The following WDR64 variants were observed in gnomAD, a reference collection of about 807,000 sequenced individuals.
The protein encoded by WDR64 is WD repeat domain 64.
Under a neutral mutation model 139.3 loss-of-function variants are expected in WDR64, and 112 were observed. That is an observed-to-expected ratio of 0.80 (90% CI 0.69 to 0.94). The LOEUF (loss-of-function observed/expected upper bound fraction) is 0.94. Among genes scored for constraint, WDR64 ranks in the 40% least tolerant of loss-of-function variants. The pLI is 0.00. For missense variants in WDR64, 1,206 were observed against 1,293.1 expected, an observed-to-expected ratio of 0.93 and a Z score of 1.03; for synonymous variants, 444 against 437.7, an observed-to-expected ratio of 1.01 and a Z score of -0.18.
At chr1:241,653,733 C>T (rs1396134590) in intron 1 of WDR64, among the ~76,000 whole-genome samples, 4 of 151,766 alleles carry the variant, frequency 2.6e-5, no homozygotes, top group East Asian at 1.9e-4. Context: ...TTAGTAGAGA[C>T]GGGGTTTCAC....
At chr1:241,723,172 A>T in intron 9 of WDR64, 125 bp from the exon 10 acceptor site, 2 of 1,261,006 alleles carry the variant, frequency 1.6e-6, no homozygotes, top group Non-Finnish European at 2.2e-6. Context: ...AGAATAATGC[A>T]TCCTGCCAGA....
chr1:241,771,342 A>G (rs908006677), intron 18 of WDR64, among the ~76,000 whole-genome samples: 1 of 152,176 alleles, frequency 6.6e-6, no homozygotes, highest in Non-Finnish European at 1.5e-5. Flanking sequence ...TAAAAAGGGA[A>G]TAATAAAGAT....
intron 1 of WDR64, among the ~76,000 whole-genome samples, chr1:241,653,781 G>A (rs1262890865): frequency 2.6e-5 from 4 of 152,004 alleles, no homozygotes; most frequent in African/African-American, 9.7e-5. Context: ...TTGACCTCAG[G>A]TGATCCACCT....
intron 8 of WDR64, among the ~76,000 whole-genome samples, chr1:241,690,525 G>T (rs1048510608): frequency 1.3e-5 from 2 of 151,908 alleles, no homozygotes; most frequent in African/African-American, 4.8e-5. Flanking sequence ...CTTATCTGTA[G>T]AAAAGCAAAG....
At chr1:241,710,518 T>C (rs962743619) in intron 8 of WDR64, among the ~76,000 whole-genome samples, 55 of 33,402 alleles carry the variant, frequency 1.6e-3, no homozygotes, top group Non-Finnish European at 4.5e-4. Context: ...AGAGTTTCAC[T>C]GGTGGAGATG....
intron 19 of WDR64, among the ~76,000 whole-genome samples, chr1:241,771,965 T>C (rs187596913): frequency 2.0e-4 from 19 of 97,098 alleles, no homozygotes; most frequent in South Asian, 7.6e-4. Flanking sequence ...TATATATATA[T>C]ATATATATAT....
At chr1:241,773,421 T>C (rs564823217) in intron 20 of WDR64, among the ~76,000 whole-genome samples, 3 of 152,192 alleles carry the variant, frequency 2.0e-5, no homozygotes, top group Non-Finnish European at 4.4e-5. Flanking sequence ...AAAAATCTAT[T>C]GAGCCTGCTT....
chr1:241,777,154 G>C (rs1330601333), intron 21 of WDR64, among the ~76,000 whole-genome samples: 1 of 152,144 alleles, frequency 6.6e-6, no homozygotes, highest in Non-Finnish European at 1.5e-5. Context: ...GAGTGCAGTG[G>C]TGTGCTCATA....
intron 9 of WDR64, among the ~76,000 whole-genome samples, chr1:241,713,535 AAGGGAGGG>A (rs531178935): frequency 1.4e-5 from 2 of 141,034 alleles, no homozygotes; most frequent in Non-Finnish European, 3.1e-5. Context: ...AAAAGCAAGG[AAGGGAGGG>A]AGGGAGGGAG....
chr1:241,697,859 C>T (rs374067905), intron 8 of WDR64, among the ~76,000 whole-genome samples: 28 of 152,304 alleles, frequency 1.8e-4, no homozygotes, highest in Non-Finnish European at 3.4e-4. Context: ...CACCCTGAAA[C>T]TATTCGCCTG....
intron 3 of WDR64, among the ~76,000 whole-genome samples, chr1:241,672,510 C>T (rs1666273713): frequency 6.6e-6 from 1 of 152,146 alleles, no homozygotes; most frequent in East Asian, 1.9e-4. Flanking sequence ...ACTATGTAGG[C>T]CAGACACCTT....
chr1:241,781,644 C>T (rs1422049964), intron 22 of WDR64, among the ~76,000 whole-genome samples: 2 of 152,206 alleles, frequency 1.3e-5, no homozygotes, highest in East Asian at 3.8e-4. Context: ...CATATAATTA[C>T]ATATACACAC....
intron 15 of WDR64, among the ~76,000 whole-genome samples, chr1:241,757,743 C>T (rs866872216): frequency 1.3e-5 from 2 of 150,656 alleles, no homozygotes; most frequent in Non-Finnish European, 2.9e-5. Flanking sequence ...CTCAGCCCCC[C>T]AGAACGCTGG....
chr1:241,661,548 A>G (rs896889494), intron 2 of WDR64, among the ~76,000 whole-genome samples: 2 of 152,186 alleles, frequency 1.3e-5, no homozygotes, highest in Non-Finnish European at 1.5e-5. Context: ...AAAGCTATCC[A>G]GCTCACTTTA....
chr1:241,652,339 G>A lies in WDR64; in HGVS notation c.-146G>A, dbSNP rs779897958. The A allele has an allele frequency of 7.9e-5, 61 of 772,470 alleles. No individual in the cohort carries two copies. Among genetic ancestry groups the A allele is most frequent in the Non-Finnish European group, 1.2e-4 (58 of 494,010 alleles). The allele number at this position is 772,470 out of a possible 1,614,324, so 47.9% of individuals were successfully genotyped here. On this transcript the variant is annotated 5_prime_UTR_variant, in exon 1 of 28. Transcript: ENST00000437684. ...CTAGTGGCAACTCTTACTCCTACCC[G>A]CACTATGGGATTTTAAGATCAAAGG...
At position 241,775,210 on chromosome 1, in the gene WDR64, G is replaced by A; in HGVS notation, c.2536G>A (p.Glu846Lys). The A allele has an allele frequency of 6.5e-7, 1 of 1,548,394 alleles. No homozygotes were observed. The highest frequency in any genetic ancestry group is 2.4e-5 in the East Asian group (1 of 40,844). ...CTRILLAGNV[E>K]GHVILCNISS... Reference sequence around the variant, plus strand: ...GAGGATACTACTGGCTGGAAATGTGGGTGAGTCATTACTCTTAGACATTCA... The same window carrying A: ...GAGGATACTACTGGCTGGAAATGTGAGTGAGTCATTACTCTTAGACATTCA... Residue 846 changes from glutamate (E) to lysine (K), a missense_variant and splice_region_variant, in exon 21 of 28, where the codon GAA (glutamate) becomes AAA (lysine). Physicochemically the swap from Glu to Lys is moderately conservative, Grantham distance 56. Transcript: ENST00000437684.
chr1:241,701,578 G>A (rs912071212), intron 8 of WDR64, among the ~76,000 whole-genome samples: 1 of 152,116 alleles, frequency 6.6e-6, no homozygotes, highest in Non-Finnish European at 1.5e-5. Context: ...CCCAGTTCTG[G>A]GCTTCCTGGA....
chr1:241,742,855 T>C (rs1669600578), intron 12 of WDR64, among the ~76,000 whole-genome samples: 1 of 152,140 alleles, frequency 6.6e-6, no homozygotes, highest in Non-Finnish European at 1.5e-5. Flanking sequence ...GTCCTGGCCA[T>C]GCTAACCGTG....
At chr1:241,728,607 C>T (rs1668947210) in intron 10 of WDR64, among the ~76,000 whole-genome samples, 1 of 152,120 alleles carries the variant, frequency 6.6e-6, no homozygotes, top group Non-Finnish European at 1.5e-5. Context: ...TTACTTTCTT[C>T]CCCAACTGCT....
Sources: allele counts gnomAD v4.1 joint callset (sites outside exome capture counted in the v4.1 genomes callset), GRCh38; gene constraint gnomAD v4.1.1; transcripts MANE v1.5; gene names NCBI Gene and HGNC (gene_info 2026-07-23, HGNC 2026-07-21).